Variants in PPM1B observed in about 807,000 individuals in gnomAD.
PPM1B encodes protein phosphatase, Mg2+/Mn2+ dependent 1B, also known as protein phosphatase 1B.
PPM1B carries 22 observed loss-of-function variants against 43.0 expected under a neutral mutation model. The ratio of observed to expected loss-of-function variants is 0.51; its 90% confidence interval spans 0.37 to 0.73. The LOEUF is 0.73. Ranked by LOEUF, PPM1B falls within the 30% of genes least tolerant of loss-of-function variation. PPM1B has a pLI of 0.00. For missense variants in PPM1B, 632 were observed against 584.2 expected (o/e 1.08, Z -0.84); for synonymous variants, 217 against 197.9 (o/e 1.10, Z -0.81).
At chr2:44,242,747 G>C (rs550994125) in intron 5 of PPM1B, among the ~76,000 whole-genome samples, 1 of 151,562 alleles carries the variant, frequency 6.6e-6, no homozygotes, top group Non-Finnish European at 1.5e-5. Flanking sequence ...TTGTAAGCCT[G>C]CTCACACATG....
At chr2:44,193,183 A>G (rs775960826) in intron 1 of PPM1B, among the ~76,000 whole-genome samples, 3 of 152,208 alleles carry the variant, frequency 2.0e-5, no homozygotes, top group Non-Finnish European at 4.4e-5. Flanking sequence ...CATAACCACC[A>G]TCAGTGTACA....
At chr2:44,180,800 A>G (rs1019016011) in intron 1 of PPM1B, among the ~76,000 whole-genome samples, 1 of 151,890 alleles carries the variant, frequency 6.6e-6, no homozygotes, top group Non-Finnish European at 1.5e-5. Context: ...AAGTTAACAC[A>G]TATTTTATTT....
intron 3 of PPM1B, among the ~76,000 whole-genome samples, chr2:44,215,245 A>G (rs1669667324): frequency 6.6e-6 from 1 of 152,184 alleles, no homozygotes; most frequent in South Asian, 2.1e-4. Flanking sequence ...AGGCAGAAGG[A>G]TTGCTTGAGA....
At chr2:44,191,199 G>A (rs1056063722) in intron 1 of PPM1B, among the ~76,000 whole-genome samples, 1 of 151,914 alleles carries the variant, frequency 6.6e-6, no homozygotes, top group Non-Finnish European at 1.5e-5. Flanking sequence ...CTGTTGCTTT[G>A]TAAATTTTAT....
chr2:44,198,579 C>T (rs575210713), intron 1 of PPM1B, among the ~76,000 whole-genome samples: 359 of 152,276 alleles, frequency 2.4e-3, no homozygotes, highest in Non-Finnish European at 4.4e-3. Context: ...GAGCCTACCA[C>T]AGAACAGGCA....
intron 1 of PPM1B, among the ~76,000 whole-genome samples, chr2:44,189,232 A>G (rs903948891): frequency 6.6e-6 from 1 of 152,140 alleles, no homozygotes; most frequent in Non-Finnish European, 1.5e-5. Context: ...ATCCTTAAAT[A>G]TGAATAGAGA....
chr2:44,198,273 G>C (rs1361356562), intron 1 of PPM1B, among the ~76,000 whole-genome samples: 1 of 152,092 alleles, frequency 6.6e-6, no homozygotes, highest in Non-Finnish European at 1.5e-5. Flanking sequence ...CAATTCTCCT[G>C]TCTCAGCCCC....
At chr2:44,171,649 G>A (rs1030876935) in intron 1 of PPM1B, among the ~76,000 whole-genome samples, 3 of 151,746 alleles carry the variant, frequency 2.0e-5, no homozygotes, top group Middle Eastern at 3.4e-3. Context: ...GGCCAACATG[G>A]TGAAACACCA....
chr2:44,209,623 G>A lies in PPM1B; in HGVS notation c.964+296G>A, dbSNP rs967146567. ...AAACCCCGTCTCTGCTAAAAATACA[G>A]AAAATTAGCCGGGCATGGTGGCACA... is the stretch of plus-strand genomic sequence containing the variant. On this transcript the variant is annotated intron_variant, in intron 3 of 5. Transcript: ENST00000282412. Among the ~76,000 whole-genome samples, 3 of 151,866 alleles carry A rather than the reference G, an allele frequency of 2.0e-5. 1 individual carries two copies. The highest frequency in any genetic ancestry group is 1.3e-4 in the Admixed American group (2 of 15,232).
At chr2:44,234,243 G>A (rs1670547796), downstream of PPM1B, 2 of 976,894 alleles carry the variant, frequency 2.0e-6, no homozygotes, top group African/African-American at 1.8e-5. Flanking sequence ...GCCTTTGGCC[G>A]GGTGCATTGG....
chr2:44,236,402 C>CAAAAAAAAAAAAA (rs61414038), downstream of PPM1B, among the ~76,000 whole-genome samples: 724 of 47,482 alleles, frequency 0.015, 122 homozygotes, highest in East Asian at 0.072. Flanking sequence ...GACTCCGTCT[C>CAAAAAAAAAAAAA]AAAAAAAAAA....
chr2:44,179,659 A>G (rs1471579879), intron 1 of PPM1B, among the ~76,000 whole-genome samples: 1 of 152,126 alleles, frequency 6.6e-6, no homozygotes, highest in Non-Finnish European at 1.5e-5. Flanking sequence ...GAGTTTTTAG[A>G]TATTAGATAT....
chr2:44,218,527 A>G lies in PPM1B; in HGVS notation c.1124A>G (p.Glu375Gly), dbSNP rs1278837388. The G allele has an allele frequency of 1.3e-6, 2 of 1,583,408 alleles. No individual in the cohort carries two copies. The highest frequency in any genetic ancestry group is 1.9e-5 in the Admixed American group (1 of 51,896). Reference protein sequence around the residue: ...AVYSRLNPHRESDGASDEAEE... With the variant: ...AVYSRLNPHRGSDGASDEAEE... ...TATAGTAGACTGAATCCACATAGAG[A>G]AAGTGATGGGGTAAGTTTTATTTTA... Residue 375 changes from glutamate to glycine, a missense_variant, in exon 5 of 6, where the codon GAA (glutamate) becomes GGA (glycine). Transcript: ENST00000282412.
chr2:44,172,274 G>C (rs770259218), intron 1 of PPM1B, among the ~76,000 whole-genome samples: 191 of 152,134 alleles, frequency 1.3e-3, no homozygotes, highest in Non-Finnish European at 1.7e-3. Context: ...TATATTAGCA[G>C]CTTTAAAGTT....
intron 5 of PPM1B, among the ~76,000 whole-genome samples, chr2:44,242,394 T>C (rs1477835668): frequency 6.6e-6 from 1 of 152,146 alleles, no homozygotes; most frequent in African/African-American, 2.4e-5. Flanking sequence ...CTTTTTATTT[T>C]CTCCTTAAAA....
At chr2:44,234,976 T>C (rs1670571337), downstream of PPM1B, among the ~76,000 whole-genome samples, 1 of 152,208 alleles carries the variant, frequency 6.6e-6, no homozygotes, top group Non-Finnish European at 1.5e-5. Flanking sequence ...AAGTGTGGTA[T>C]GGCCCGATGG....
chr2:44,226,931 T>TA (rs1670240654), intron 5 of PPM1B, among the ~76,000 whole-genome samples: 9 of 124,028 alleles, frequency 7.3e-5, no homozygotes, highest in Admixed American at 4.5e-4. Context: ...AATGGGAAAC[T>TA]TTTTATTTAT....
intron 1 of PPM1B, among the ~76,000 whole-genome samples, chr2:44,195,942 C>T (rs1187852464): frequency 6.6e-6 from 1 of 152,188 alleles, no homozygotes; most frequent in Non-Finnish European, 1.5e-5. Flanking sequence ...ACAGTCTCAG[C>T]TAAATTCCTA....
chr2:44,233,488 AT>A, downstream of PPM1B: 1 of 984,652 alleles, frequency 1.0e-6, no homozygotes, highest in South Asian at 4.7e-5. Flanking sequence ...AGAGTAAAGT[AT>A]TTATCTGAAA....
Sources: gnomAD v4.1 joint callset for allele counts (sites outside exome capture counted in the v4.1 genomes callset) on GRCh38, gnomAD v4.1.1 for gene constraint, MANE v1.5 for transcripts, NCBI Gene and HGNC (gene_info 2026-07-23, HGNC 2026-07-21) for gene names.